The following NPC1 variants were observed in gnomAD, a reference collection of about 807,000 sequenced individuals.
NPC1 encodes the protein Niemann-Pick C1 protein.
A neutral mutation model predicts 140.4 loss-of-function variants in NPC1; 85 were observed. The ratio of observed to expected loss-of-function variants is 0.61; its 90% CI spans 0.51 to 0.72. The LOEUF (loss-of-function observed/expected upper bound fraction) is 0.72. Ranked by LOEUF, NPC1 falls within the 30% of genes least tolerant of loss-of-function variation. The pLI is 0.00. For missense variants in NPC1, 1,504 were observed against 1,623.8 expected (o/e 0.93, Z 1.27); for synonymous variants, 656 against 624.8 (o/e 1.05, Z -0.74).
intron 3 of NPC1, among the ~76,000 whole-genome samples, chr18:23,513,182 G>A (rs1180202235): frequency 6.6e-6 from 1 of 152,154 alleles, no homozygotes; most frequent in African/African-American, 2.4e-5. Context: ...TTGAACTCCT[G>A]ACTTCAGGTG....
At chr18:23,532,373 T>TG in intron 24 of NPC1, 89 bp from the exon 25 acceptor site, 1 of 1,414,182 alleles carries the variant, frequency 7.1e-7, no homozygotes, top group East Asian at 2.3e-5. Context: ...AATCCCACTT[T>TG]GGAAGACTGA....
intron 1 of NPC1, among the ~76,000 whole-genome samples, chr18:23,577,807 GAGCGC>G (rs1267556683): frequency 6.6e-6 from 1 of 152,274 alleles, no homozygotes; most frequent in Admixed American, 6.5e-5. Context: ...GCGAGAAATC[GAGCGC>G]AGCGCCGGTG....
intron 7 of NPC1, 109 bp downstream of exon 7, chr18:23,557,008 G>T: frequency 2.2e-6 from 2 of 922,020 alleles, no homozygotes; most frequent in Non-Finnish European, 3.5e-6. Context: ...CCGTGTCCTC[G>T]GCACTGGCAC....
intron 1 of NPC1, among the ~76,000 whole-genome samples, chr18:23,577,968 GC>G (rs1448263128): frequency 2.6e-5 from 4 of 152,242 alleles, no homozygotes; most frequent in Non-Finnish European, 5.9e-5. Context: ...ACTCCAGCTG[GC>G]CCGCAAGTGC....
chr18:23,567,721 G>A (rs1457471327), intron 4 of NPC1, among the ~76,000 whole-genome samples: 1 of 152,102 alleles, frequency 6.6e-6, no homozygotes, highest in Admixed American at 6.6e-5. Flanking sequence ...CTGGGAGGAG[G>A]GTTAGCTTCA....
In NPC1 at chr18:23,568,990, G is replaced by C; in HGVS notation, c.296C>G (p.Ser99Cys). The change falls in exon 4 of 25, where the codon TCC (serine) becomes TGC (cysteine). Residue 99 changes from serine (S) to cysteine (C), a missense_variant. Ser to Cys is a moderately radical substitution (Grantham distance 112). Coordinates refer to ENST00000269228, the MANE Select transcript of NPC1 (RefSeq NM_000271.5). ...CAGGTTCAGTAGGTTATAAAAACAG[G>C]ATGGACATCTAAAGGAAAAGTAAAT... ...LPLQFLSRCP[S>C]CFYNLLNLFC... 1 of 1,612,518 alleles carries C rather than the reference G, an allele frequency of 6.2e-7. No individual in the cohort carries two copies. The highest frequency in any genetic ancestry group is 8.5e-7 in the Non-Finnish European group (1 of 1,178,908).
At chr18:23,583,290 C>G (rs1053130574) in intron 1 of NPC1, among the ~76,000 whole-genome samples, 1 of 152,082 alleles carries the variant, frequency 6.6e-6, no homozygotes, top group African/African-American at 2.4e-5. Flanking sequence ...GAAACTGAGG[C>G]TCCAGAGGAT....
chr18:23,566,845 C>T (rs1022492095), intron 4 of NPC1, among the ~76,000 whole-genome samples: 38 of 152,226 alleles, frequency 2.5e-4, no homozygotes, highest in African/African-American at 8.9e-4. Context: ...TTATGCCTTC[C>T]TCTCTCCTAA....
chr18:23,542,230 T>C (rs2058722304), intron 14 of NPC1, among the ~76,000 whole-genome samples: 1 of 148,068 alleles, frequency 6.8e-6, no homozygotes, highest in South Asian at 2.1e-4. Flanking sequence ...TTTCTTATAA[T>C]AGTAGTGAAA....
At chr18:23,513,513 A>C (rs1433566425) in intron 3 of NPC1, among the ~76,000 whole-genome samples, 1 of 152,250 alleles carries the variant, frequency 6.6e-6, no homozygotes, top group South Asian at 2.1e-4. Context: ...ACAGGTATGC[A>C]GATACCGCTT....
At chr18:23,554,002 T>C (rs556177215) in intron 9 of NPC1, among the ~76,000 whole-genome samples, 1 of 152,286 alleles carries the variant, frequency 6.6e-6, no homozygotes, top group African/African-American at 2.4e-5. Flanking sequence ...CTTTAAATCT[T>C]GTGGGGGGTG....
At chr18:23,506,405 T>C (rs890537932) in exon 4 of NPC1, 1 of 151,914 alleles carries the variant, frequency 6.6e-6, no homozygotes, top group African/African-American at 2.4e-5. Flanking sequence ...AAAAAATGTA[T>C]GTATTGGAAT....
chr18:23,527,864 A>G (rs1212138921), downstream of NPC1: 1 of 1,614,178 alleles, frequency 6.2e-7, no homozygotes, highest in Non-Finnish European at 8.5e-7. Flanking sequence ...AACCATGAGT[A>G]TAAAAAGTAC....
intron 3 of NPC1, among the ~76,000 whole-genome samples, chr18:23,510,430 C>T (rs540877837): frequency 6.6e-6 from 1 of 152,004 alleles, no homozygotes; most frequent in Admixed American, 6.6e-5. Context: ...GGCAGATCAC[C>T]TGAGGTCAGG....
At chr18:23,516,064 T>G in intron 3 of NPC1, 1 of 1,602,980 alleles carries the variant, frequency 6.2e-7, no homozygotes, top group East Asian at 2.2e-5. Flanking sequence ...AGCATCCTAA[T>G]GTGTCAGGCA....
At chr18:23,567,484 G>C (rs2059142012) in intron 4 of NPC1, among the ~76,000 whole-genome samples, 1 of 152,150 alleles carries the variant, frequency 6.6e-6, no homozygotes, top group Non-Finnish European at 1.5e-5. Flanking sequence ...CAATTGGGCT[G>C]TTTGCTTTCT....
At chr18:23,515,918 C>T in intron 3 of NPC1, 1 of 1,614,174 alleles carries the variant, frequency 6.2e-7, no homozygotes, top group South Asian at 1.1e-5. Context: ...TGAATTGGTA[C>T]ATGTACTGCC....
At chr18:23,540,102 G>T in intron 17 of NPC1, 101 bp from the exon 18 acceptor site, 1 of 1,012,722 alleles carries the variant, frequency 9.9e-7, no homozygotes, top group Non-Finnish European at 1.5e-6. Flanking sequence ...GAGGTTCCTG[G>T]CTGAGATGCC....
At chr18:23,529,513 C>T (rs1475600408), downstream of NPC1, 1 of 1,252,774 alleles carries the variant, frequency 8.0e-7, no homozygotes, top group Non-Finnish European at 1.1e-6. Context: ...TGTGCAAAAC[C>T]AGTGAAAGAT....
Sources: gnomAD v4.1 joint callset for allele counts (sites outside exome capture counted in the v4.1 genomes callset) on GRCh38, gnomAD v4.1.1 for gene constraint, MANE v1.5 for transcripts, NCBI Gene and HGNC (gene_info 2026-07-23, HGNC 2026-07-21) for gene names.